Variants in FARP1 observed in about 807,000 individuals in gnomAD.
FARP1 encodes the protein FERM, ARH/RhoGEF and pleckstrin domain protein 1.
FARP1 carries 52 observed loss-of-function variants against 128.8 expected under a neutral mutation model. That is an observed-to-expected ratio of 0.40 (90% CI 0.32 to 0.51). The LOEUF (loss-of-function observed/expected upper bound fraction) is 0.51, where lower values mean the gene tolerates loss of function less well. Among genes scored for constraint, FARP1 ranks in the 20% least tolerant of loss-of-function variants. The pLI is 0.45. For synonymous variants in FARP1, 580 were observed against 551.8 expected, an observed-to-expected ratio of 1.05 and a Z score of -0.72; for missense variants, 1,333 against 1,367.9, an observed-to-expected ratio of 0.97 and a Z score of 0.40.
intron 2 of FARP1, among the ~76,000 whole-genome samples, chr13:98,316,464 C>T (rs1034612331): frequency 2.6e-5 from 4 of 152,216 alleles, no homozygotes; most frequent in African/African-American, 9.7e-5. Flanking sequence ...ACAGCCCATG[C>T]GTGGCAGATC....
chr13:98,235,816 T>A, intron 2 of FARP1, among the ~76,000 whole-genome samples: 1 of 118,498 alleles, frequency 8.4e-6, no homozygotes, highest in Admixed American at 8.1e-5. Flanking sequence ...ACAATTCACC[T>A]CTGTCTTTTT....
rs368567689 is a variant in FARP1 at position 98,232,067 on chromosome 13, C to G, written c.171+18654C>G. 2.0e-5 allele frequency among the ~76,000 whole-genome samples: 3 copies of G among 150,446 alleles called. No homozygotes were observed. In the South Asian group the frequency reaches 6.3e-4, roughly 32 times the overall value. ...CTGGTCTTGAACTTCTGACCTCAGG[C>G]GATCTGCCCACTTTGGCCTCCCAAA... is the stretch of plus-strand genomic sequence containing the variant. On this transcript the variant is annotated intron_variant, in intron 2 of 26. Transcript: ENST00000319562.
At chr13:98,367,508 C>T (rs1393353456) in intron 4 of FARP1, among the ~76,000 whole-genome samples, 9 of 147,896 alleles carry the variant, frequency 6.1e-5, no homozygotes, top group African/African-American at 2.3e-4. Context: ...TTTTTAAATT[C>T]TGAAAAGTTG....
chr13:98,328,895 A>G (rs1341373757), intron 2 of FARP1: 1 of 152,206 alleles, frequency 6.6e-6, no homozygotes, highest in Admixed American at 6.5e-5. Flanking sequence ...TTCAAAACTT[A>G]GGGATTATTT....
chr13:98,195,424 C>T (rs1490685149), intron 1 of FARP1, among the ~76,000 whole-genome samples: 1 of 152,162 alleles, frequency 6.6e-6, no homozygotes, highest in Non-Finnish European at 1.5e-5. Flanking sequence ...GTGTCTACTG[C>T]GTGTGTGTCT....
chr13:98,366,134 A>G (rs957628072), intron 4 of FARP1, among the ~76,000 whole-genome samples: 13 of 152,274 alleles, frequency 8.5e-5, no homozygotes, highest in African/African-American at 3.1e-4. Context: ...CCTTCAATGT[A>G]GTCAGAGTCT....
intron 1 of FARP1, among the ~76,000 whole-genome samples, chr13:98,159,982 C>T (rs1182770397): frequency 1.3e-5 from 2 of 152,148 alleles, no homozygotes; most frequent in Non-Finnish European, 2.9e-5. Flanking sequence ...TTTTGTTTTC[C>T]TTCAAGGCAT....
At position 98,385,769 on chromosome 13, in the gene FARP1, G is replaced by A. The variant is rs1198383312; in HGVS notation, c.714G>A (p.Thr238=). 3.1e-6 allele frequency: 5 copies of A among 1,614,084 alleles called. No homozygotes were observed. Among genetic ancestry groups the A allele is most frequent in the Non-Finnish European group, 4.2e-6 (5 of 1,180,052 alleles). ...ACCCGGCCAAGGACAGGGAAGGCAC[G>A]AAGATCAATCTGGCCGTTGCCAACA... ...RLHPAKDREG[T]KINLAVANTG... Residue 238 remains threonine (T), a synonymous_variant, in exon 8 of 27, where the codon ACG becomes ACA. Coordinates refer to ENST00000319562, the MANE Select transcript of FARP1 (RefSeq NM_005766.4).
At chr13:98,198,619 G>A (rs1350918739) in intron 1 of FARP1, among the ~76,000 whole-genome samples, 1 of 152,010 alleles carries the variant, frequency 6.6e-6, no homozygotes, top group African/African-American at 2.4e-5. Flanking sequence ...GGCCATGCCT[G>A]TAATCCCAGC....
chr13:98,217,544 G>A (rs1261853814), intron 2 of FARP1, among the ~76,000 whole-genome samples: 1 of 152,212 alleles, frequency 6.6e-6, no homozygotes, highest in Non-Finnish European at 1.5e-5. Context: ...TGAGACTTAA[G>A]TAGCATTCAT....
At chr13:98,343,237 G>A (rs1375163692) in intron 2 of FARP1, among the ~76,000 whole-genome samples, 1 of 152,170 alleles carries the variant, frequency 6.6e-6, no homozygotes, top group Non-Finnish European at 1.5e-5. Context: ...GTTTTAGGGT[G>A]AAATTCATAT....
chr13:98,453,331 A>G lies in FARP1; in HGVS notation c.*5014A>G, dbSNP rs1893289818. 2.1e-6 allele frequency: 2 copies of G among 954,042 alleles called. No individual in the cohort carries two copies. The highest frequency in any genetic ancestry group is 3.0e-5 in the South Asian group (2 of 66,690). 59.1% of individuals were successfully genotyped at this position (954,042 alleles called of 1,614,324 possible). On this transcript the variant is annotated 3_prime_UTR_variant, in exon 27 of 27. Transcript: ENST00000319562. Reference sequence around the variant, plus strand: ...TTCCAAGTCATACAAAAATAAGTGGAGCAAATATCAATGTGTAAGTCTAAT... The same window carrying G: ...TTCCAAGTCATACAAAAATAAGTGGGGCAAATATCAATGTGTAAGTCTAAT...
intron 2 of FARP1, among the ~76,000 whole-genome samples, chr13:98,242,669 C>T (rs1179946513): frequency 6.6e-6 from 1 of 151,954 alleles, no homozygotes; most frequent in Non-Finnish European, 1.5e-5. Flanking sequence ...AGAGCAAGAC[C>T]CTGTCTCAAA....
In FARP1 at chr13:98,203,230, A is replaced by T. The variant is rs183072759; in HGVS notation, c.-23-9990A>T. Among the ~76,000 whole-genome samples, 473 of 152,258 alleles carry T rather than the reference A, an allele frequency of 3.1e-3. 3 individuals are homozygous for T. Among genetic ancestry groups the T allele is most frequent in the Middle Eastern group, 6.8e-3 (2 of 294 alleles). On this transcript the variant is annotated intron_variant, in intron 1 of 26. Coordinates refer to ENST00000319562, the MANE Select transcript of FARP1 (RefSeq NM_005766.4). ...CAGGAATATTCACGGACACATAGAC[A>T]TTTTTAGATTTATGGAGGTGTAATC...
At position 98,440,782 on chromosome 13, in the gene FARP1, G is replaced by C; in HGVS notation, c.2742G>C (p.Val914=). The C allele has an allele frequency of 1.2e-6, 2 of 1,613,034 alleles. No homozygotes were observed. The highest frequency in any genetic ancestry group is 1.7e-6 in the Non-Finnish European group (2 of 1,179,882). The change falls in exon 24 of 27, where the codon GTG becomes GTC. Residue 914 remains valine (V), a synonymous_variant. Transcript: ENST00000319562. ...APHRGNTMVH[V]CWHRNTSVSM... The stretch of plus-strand genomic sequence containing the variant: ...ACCGCGGCAACACAATGGTGCACGT[G>C]TGCTGGCACCGCAACACCAGCGTCT...
chr13:98,194,463 G>A (rs1365077486), intron 1 of FARP1, among the ~76,000 whole-genome samples: 1 of 152,128 alleles, frequency 6.6e-6, no homozygotes, highest in Non-Finnish European at 1.5e-5. Flanking sequence ...CACATTATAT[G>A]CCCAGTGTTC....
chr13:98,276,257 G>T (rs9517243), intron 2 of FARP1, among the ~76,000 whole-genome samples: 47,888 of 152,078 alleles, frequency 0.31, 7,830 homozygotes, highest in South Asian at 0.49. Flanking sequence ...ATTGAGTGTT[G>T]TAGAGTCTCT....
At chr13:98,175,338 C>G (rs1383281827) in intron 1 of FARP1, among the ~76,000 whole-genome samples, 1 of 152,064 alleles carries the variant, frequency 6.6e-6, no homozygotes, top group Non-Finnish European at 1.5e-5. Context: ...ATGTTAACAT[C>G]AGCCAAACAA....
Position 98,143,481 on chromosome 13 carries a change from G to C in FARP1, c.-35G>C, listed in dbSNP as rs1701169189. 6.6e-6 allele frequency: 1 copy of C among 150,440 alleles called. No homozygotes were observed. Among genetic ancestry groups the C allele is most frequent in the Non-Finnish European group, 1.5e-5 (1 of 67,306 alleles). The allele number at this position is 150,440 out of a possible 1,614,324, so 9.3% of individuals were successfully genotyped here. A position where few individuals can be genotyped will look rare whatever the true frequency, so the allele number is the denominator to read the frequency against. Reference sequence around the variant, plus strand: ...GGGAGAGGGAGCCGCCGCAGCCGCCGGCGCTGTGGAGGTAGGAGGCGCGCG... The same window carrying C: ...GGGAGAGGGAGCCGCCGCAGCCGCCCGCGCTGTGGAGGTAGGAGGCGCGCG... On this transcript the variant is annotated 5_prime_UTR_variant, in exon 1 of 27. Coordinates refer to ENST00000319562, the MANE Select transcript of FARP1 (RefSeq NM_005766.4).
Sources: gnomAD v4.1 joint callset for allele counts (sites outside exome capture counted in the v4.1 genomes callset) on GRCh38, gnomAD v4.1.1 for gene constraint, MANE v1.5 for transcripts, NCBI Gene and HGNC (gene_info 2026-07-23, HGNC 2026-07-21) for gene names.